Variants in ST3GAL1 observed in about 807,000 individuals in gnomAD.
ST3GAL1 encodes CMP-N-acetylneuraminate-beta-galactosamide-alpha-2,3-sialyltransferase 1.
ST3GAL1 carries 16 observed loss-of-function variants against 34.1 expected under a neutral mutation model. The ratio of observed to expected loss-of-function variants is 0.47; its 90% CI spans 0.32 to 0.71. The LOEUF is 0.71. Among genes scored for constraint, ST3GAL1 ranks in the 30% least tolerant of loss-of-function variants. The pLI, the probability that ST3GAL1 is intolerant of heterozygous loss-of-function variation, is 0.04. For synonymous variants in ST3GAL1, 191 were observed against 184.7 expected, an observed-to-expected ratio of 1.03 and a Z score of -0.28; for missense variants, 353 against 447.4, an observed-to-expected ratio of 0.79 and a Z score of 1.90.
rs1815285713 is a variant in ST3GAL1 at position 133,456,045 on chromosome 8, C to G, written c.*3719G>C. ...CTTTTTTTTTTTCCCTCCTATTTTACATTCTATTTTCTCATATCCAGCTTT... is the reference window on the plus strand; with the variant it reads ...CTTTTTTTTTTTCCCTCCTATTTTAGATTCTATTTTCTCATATCCAGCTTT... On this transcript the variant is annotated 3_prime_UTR_variant, in exon 10 of 10. Coordinates refer to ENST00000522652, the MANE Select transcript of ST3GAL1 (RefSeq NM_173344.3). The G allele has an allele frequency of 6.6e-6, 1 of 151,436 alleles. No individual in the cohort carries two copies. Among genetic ancestry groups the G allele is most frequent in the African/African-American group, 2.4e-5 (1 of 41,104 alleles). The allele number at this position is 151,436 out of a possible 1,614,324, so 9.4% of individuals were successfully genotyped here.
In ST3GAL1 at chr8:133,551,541, GGAAAGAAAGAAAGAAAGAAAGAAA is replaced by G. The variant is rs10522087; in HGVS notation, c.-581-5639_-581-5616del. Among the ~76,000 whole-genome samples the G allele has an allele frequency of 5.4e-3, 499 of 91,968 alleles. 4 individuals are homozygous for G. The highest frequency in any genetic ancestry group is 0.033 in the South Asian group (78 of 2,338). The allele number at this position is 91,968 out of a possible 152,430, so 60.3% of individuals were successfully genotyped here. ...AAGAAAGAAAGAGAAAGAAAGAGAA[GGAAAGAAAGAAAGAAAGAAAGAAA>G]GAAAGAAAGAAAGAAAGAAAGAAAG... On this transcript the variant is annotated intron_variant, in intron 1 of 9. Transcript: ENST00000522652.
chr8:133,551,069 A>G (rs1445769475), intron 1 of ST3GAL1, among the ~76,000 whole-genome samples: 2 of 152,140 alleles, frequency 1.3e-5, no homozygotes, highest in East Asian at 1.9e-4. Flanking sequence ...GCATTTTTAA[A>G]TTATAGGGAT....
chr8:133,512,702 C>A (rs1405974947), intron 2 of ST3GAL1, among the ~76,000 whole-genome samples: 2 of 152,154 alleles, frequency 1.3e-5, no homozygotes, highest in African/African-American at 4.8e-5. Context: ...ATGAGACCAA[C>A]CAAACTGAGG....
At chr8:133,511,525 C>T (rs1211192536) in intron 2 of ST3GAL1, among the ~76,000 whole-genome samples, 1 of 152,174 alleles carries the variant, frequency 6.6e-6, no homozygotes, top group African/African-American at 2.4e-5. Flanking sequence ...CATATTTACA[C>T]AAGCACAAAG....
In ST3GAL1 at chr8:133,570,170, A is replaced by G. The variant is rs1307035051; in HGVS notation, c.-582+1523T>C. 1 of 152,084 alleles carries G rather than the reference A, an allele frequency of 6.6e-6. No homozygotes were observed. Among genetic ancestry groups the G allele is most frequent in the Non-Finnish European group, 1.5e-5 (1 of 68,034 alleles). 9.4% of individuals were successfully genotyped at this position (152,084 alleles called of 1,614,324 possible). A position where few individuals can be genotyped will look rare whatever the true frequency, so the allele number is the denominator to read the frequency against. On this transcript the variant is annotated intron_variant, in intron 1 of 9. Transcript: ENST00000522652. The surrounding 1 kb of genome is among the most constrained non-coding windows in gnomAD (Gnocchi z 5.6). ...TCCTCCCGTCTCTTCCTCTCACCAC[A>G]CACACCCAGCCGCAGAGCGGGGGTG...
rs1586580903 is a variant in ST3GAL1, at chr8:133,461,785, T to G, written c.849+90A>C. 4.5e-6 allele frequency: 7 copies of G among 1,563,650 alleles called. No homozygotes were observed. On this transcript the variant is annotated intron_variant, in intron 9 of 9. Transcript: ENST00000522652. This position sits in a 1 kb window ranked among gnomAD's most constrained non-coding sequence, Gnocchi z 4.7. ...GAGCTTCCGGAAGAGGCAGGCTAGGTCTACCTGCCCTCCCCCTCCCTGGCC... is the reference window on the plus strand; with the variant it reads ...GAGCTTCCGGAAGAGGCAGGCTAGGGCTACCTGCCCTCCCCCTCCCTGGCC...
At chr8:133,492,937 C>A (rs936980749) in intron 3 of ST3GAL1, among the ~76,000 whole-genome samples, 2 of 152,206 alleles carry the variant, frequency 1.3e-5, no homozygotes, top group Non-Finnish European at 2.9e-5. Context: ...ACCCTCCGTC[C>A]AATAAGGAGG....
At chr8:133,562,143 A>C (rs569850494) in intron 1 of ST3GAL1, among the ~76,000 whole-genome samples, 1 of 152,050 alleles carries the variant, frequency 6.6e-6, no homozygotes, top group Non-Finnish European at 1.5e-5. Flanking sequence ...AGACACACAG[A>C]AGATCTGGAG....
intron 3 of ST3GAL1, among the ~76,000 whole-genome samples, chr8:133,481,363 T>A (rs961898100): frequency 6.6e-6 from 1 of 152,254 alleles, no homozygotes; most frequent in Non-Finnish European, 1.5e-5. Context: ...CCAAGATGCT[T>A]ATCAGGGTGA....
At chr8:133,465,328 G>A (rs988019767) in intron 6 of ST3GAL1, among the ~76,000 whole-genome samples, 1 of 152,088 alleles carries the variant, frequency 6.6e-6, no homozygotes, top group Non-Finnish European at 1.5e-5. Context: ...CAGGTAAGTG[G>A]TCTAAGGACT....
intron 2 of ST3GAL1, among the ~76,000 whole-genome samples, chr8:133,543,216 A>G (rs1818583994): frequency 6.6e-6 from 1 of 152,240 alleles, no homozygotes; most frequent in African/African-American, 2.4e-5. Context: ...AAAAGCCAAA[A>G]TTGAGTGCAT....
chr8:133,540,386 C>T (rs1191681290), intron 2 of ST3GAL1, among the ~76,000 whole-genome samples: 1 of 152,120 alleles, frequency 6.6e-6, no homozygotes, highest in Non-Finnish European at 1.5e-5. Context: ...CAGCTGATAA[C>T]ACATTTTTGT....
At chr8:133,496,046 T>C (rs1046274542) in intron 3 of ST3GAL1, among the ~76,000 whole-genome samples, 2 of 152,152 alleles carry the variant, frequency 1.3e-5, no homozygotes, top group South Asian at 4.1e-4. Context: ...TGCTGAATGA[T>C]GATGGGCTTG....
intron 1 of ST3GAL1, among the ~76,000 whole-genome samples, chr8:133,548,686 A>T (rs77476384): frequency 0.043 from 6,534 of 152,318 alleles, 230 homozygotes; most frequent in South Asian, 0.13. Context: ...GCACCCTGGG[A>T]GCACACATTC....
chr8:133,513,855 C>T (rs775591642), intron 2 of ST3GAL1, among the ~76,000 whole-genome samples: 3 of 151,222 alleles, frequency 2.0e-5, no homozygotes, highest in Admixed American at 6.6e-5. Flanking sequence ...GCTGAGATTA[C>T]GCCATTGCAC....
intron 1 of ST3GAL1, among the ~76,000 whole-genome samples, chr8:133,567,795 G>C (rs16904954): frequency 0.021 from 3,169 of 152,314 alleles, 118 homozygotes; most frequent in African/African-American, 0.073. Context: ...AGGGTTGTCT[G>C]TGATACCGGG....
chr8:133,557,170 C>A (rs1819062865), intron 1 of ST3GAL1, among the ~76,000 whole-genome samples: 1 of 152,126 alleles, frequency 6.6e-6, no homozygotes, highest in Non-Finnish European at 1.5e-5. Flanking sequence ...CTGGGCAGAA[C>A]CTCAGGAAGA....
intron 7 of ST3GAL1, among the ~76,000 whole-genome samples, chr8:133,463,839 C>T (rs1815618133): frequency 6.6e-6 from 1 of 152,204 alleles, no homozygotes; most frequent in Non-Finnish European, 1.5e-5. Flanking sequence ...GCGGCTGCCC[C>T]TTTCTCACCT....
intron 3 of ST3GAL1, among the ~76,000 whole-genome samples, chr8:133,479,880 G>A (rs971749316): frequency 1.1e-4 from 17 of 152,142 alleles, no homozygotes; most frequent in African/African-American, 4.1e-4. Context: ...CAAGAACACC[G>A]CTATACCCCT....
Sources: allele counts gnomAD v4.1 joint callset (sites outside exome capture counted in the v4.1 genomes callset), GRCh38; gene constraint gnomAD v4.1.1; non-coding constraint Gnocchi (gnomAD v3.1); transcripts MANE v1.5; gene names NCBI Gene and HGNC (gene_info 2026-07-23, HGNC 2026-07-21).